ADAM22: variants seen among roughly 807,000 people sequenced by gnomAD.
The protein encoded by ADAM22 is disintegrin and metalloproteinase domain-containing protein 22.
ADAM22 carries 65 observed loss-of-function variants against 144.6 expected under a neutral mutation model. That is an observed-to-expected ratio of 0.45 (90% CI 0.37 to 0.55). ADAM22 has a LOEUF of 0.55. ADAM22 is among the 20% of genes least tolerant of loss of function. ADAM22 has a pLI of 0.00. For missense variants in ADAM22, 974 were observed against 1,184.9 expected, an observed-to-expected ratio of 0.82 and a Z score of 2.61; for synonymous variants, 391 against 412.6, an observed-to-expected ratio of 0.95 and a Z score of 0.63.
intron 3 of ADAM22, among the ~76,000 whole-genome samples, chr7:88,040,524 C>T (rs1802869020): frequency 6.6e-6 from 1 of 152,058 alleles, no homozygotes; most frequent in Non-Finnish European, 1.5e-5. Flanking sequence ...GTCTATACTT[C>T]CCCTGTCATC....
chr7:88,183,487 G>T lies in ADAM22; in HGVS notation c.2663+1463G>T, dbSNP rs760810438. 2.7e-4 allele frequency among the ~76,000 whole-genome samples: 41 copies of T among 151,812 alleles called. 1 individual carries two copies. Among genetic ancestry groups the T allele is most frequent in the Non-Finnish European group, 2.1e-4 (14 of 67,950 alleles). ...GAGCTTAGGACCTAACGCACATTTG[G>T]TGTTTAACAATATTCATACAGTGTT... On this transcript the variant is annotated intron_variant, in intron 29 of 31. Transcript: ENST00000413139.
intron 3 of ADAM22, among the ~76,000 whole-genome samples, chr7:88,028,003 T>G (rs1035184562): frequency 6.6e-6 from 1 of 152,196 alleles, no homozygotes; most frequent in African/African-American, 2.4e-5. Flanking sequence ...TTGGCTGGCC[T>G]CGAACTCCTG....
At chr7:88,163,207 C>A (rs1842158040) in intron 23 of ADAM22, 27 bp downstream of exon 23, 1 of 1,537,714 alleles carries the variant, frequency 6.5e-7, no homozygotes, top group South Asian at 1.3e-5. Context: ...TTGTCAGAAT[C>A]TATTTCTTTT....
At chr7:88,145,269 A>G in intron 16 of ADAM22, 73 bp downstream of exon 16, 4 of 1,507,902 alleles carry the variant, frequency 2.7e-6, no homozygotes, top group East Asian at 4.5e-5. Context: ...ACTGAGATGT[A>G]TGGAGCAAAT....
At chr7:87,973,210 T>C (rs1454805546) in intron 2 of ADAM22, among the ~76,000 whole-genome samples, 1 of 152,062 alleles carries the variant, frequency 6.6e-6, no homozygotes, top group Non-Finnish European at 1.5e-5. Context: ...AGGGCTAATA[T>C]CCAGAATCTA....
intron 2 of ADAM22, among the ~76,000 whole-genome samples, chr7:87,944,321 C>G (rs1843058789): frequency 6.6e-6 from 1 of 151,784 alleles, no homozygotes; most frequent in African/African-American, 2.4e-5. Context: ...ATTGCTCAAG[C>G]TTTTTTCTCT....
intron 4 of ADAM22, among the ~76,000 whole-genome samples, chr7:88,090,310 G>A (rs1819522915): frequency 6.6e-6 from 1 of 152,136 alleles, no homozygotes; most frequent in Admixed American, 6.6e-5. Flanking sequence ...GAGCATGCAG[G>A]TACCTCACAT....
Position 88,161,714 on chromosome 7 carries a change from G to A in ADAM22, c.1908-1298G>A, listed in dbSNP as rs118119376. On this transcript the variant is annotated intron_variant, in intron 22 of 31. Transcript: ENST00000413139. ...GTCAAAGAGCATGTGAAAAAAGATC[G>A]ATATCACTGATCATTAGAGAAATTC... Among the ~76,000 whole-genome samples, 1,376 of 152,038 alleles carry A rather than the reference G, an allele frequency of 9.1e-3. 13 individuals are homozygous for A. The highest frequency in any genetic ancestry group is 0.036 in the East Asian group (185 of 5,178).
chr7:87,954,437 A>G (rs994973448), intron 2 of ADAM22, among the ~76,000 whole-genome samples: 3 of 152,274 alleles, frequency 2.0e-5, no homozygotes, highest in African/African-American at 4.8e-5. Flanking sequence ...TCTGGGTTGA[A>G]AATTCTTATT....
intron 2 of ADAM22, among the ~76,000 whole-genome samples, chr7:87,963,937 A>G (rs1848520803): frequency 6.6e-6 from 1 of 152,234 alleles, no homozygotes; most frequent in Non-Finnish European, 1.5e-5. Flanking sequence ...TTAAATATTC[A>G]GATGTGAGGC....
chr7:88,156,953 AAAAC>A (rs1391916389), intron 22 of ADAM22, among the ~76,000 whole-genome samples: 3 of 152,126 alleles, frequency 2.0e-5, no homozygotes, highest in East Asian at 1.9e-4. Context: ...GAAGGGGAAA[AAAAC>A]AAAACCACTT....
chr7:88,162,571 CCGAGGTTTTAAA>C (rs773317631), intron 22 of ADAM22, among the ~76,000 whole-genome samples: 1 of 152,000 alleles, frequency 6.6e-6, no homozygotes, highest in Non-Finnish European at 1.5e-5. Flanking sequence ...TCAATGCTTA[CCGAGGTTTTAAA>C]AAACATTTCT....
chr7:88,184,336 C>T, intron 29 of ADAM22: 1 of 440,886 alleles, frequency 2.3e-6, no homozygotes, highest in Admixed American at 2.5e-5. Flanking sequence ...CTCGCCCAGA[C>T]AGTCCCATCC....
intron 4 of ADAM22, among the ~76,000 whole-genome samples, chr7:88,102,682 G>T (rs557488696): frequency 6.6e-6 from 1 of 152,206 alleles, no homozygotes; most frequent in South Asian, 2.1e-4. Context: ...AACTCTCTGG[G>T]CAAGAGACAG....
intron 7 of ADAM22, 133 bp from the exon 8 acceptor site, chr7:88,125,456 T>C: frequency 1.8e-6 from 1 of 570,832 alleles, no homozygotes; most frequent in Non-Finnish European, 3.1e-6. Context: ...AGTTACTTAA[T>C]GGTTTGTGTG....
intron 14 of ADAM22, among the ~76,000 whole-genome samples, chr7:88,140,700 G>A (rs1256596187): frequency 6.6e-6 from 1 of 152,060 alleles, no homozygotes; most frequent in Non-Finnish European, 1.5e-5. Flanking sequence ...GCTGGGCATG[G>A]TGGCACATGC....
chr7:87,978,222 G>T (rs1176939499), intron 2 of ADAM22, 114 bp from the exon 3 acceptor site: 5 of 824,628 alleles, frequency 6.1e-6, no homozygotes, highest in East Asian at 2.7e-5. Context: ...TATTCTCCAT[G>T]TTGAATTATT....
chr7:88,070,627 G>C (rs1958883299), intron 3 of ADAM22, among the ~76,000 whole-genome samples: 2 of 152,060 alleles, frequency 1.3e-5, no homozygotes, highest in Non-Finnish European at 2.9e-5. Context: ...TGTTAACTGT[G>C]ATCACTTGGT....
intron 22 of ADAM22, among the ~76,000 whole-genome samples, chr7:88,162,120 A>ACC (rs777447116): frequency 2.5e-4 from 38 of 151,608 alleles, no homozygotes; most frequent in Non-Finnish European, 4.3e-4. Context: ...ACACACACAC[A>ACC]CACACACACA....
Sources: gnomAD v4.1 joint callset for allele counts (sites outside exome capture counted in the v4.1 genomes callset) on GRCh38, gnomAD v4.1.1 for gene constraint, MANE v1.5 for transcripts, NCBI Gene and HGNC (gene_info 2026-07-23, HGNC 2026-07-21) for gene names.